Variants in TWF1 observed in about 807,000 individuals in gnomAD.
The protein encoded by TWF1 is twinfilin-1.
Under a neutral mutation model 47.9 loss-of-function variants are expected in TWF1, and 14 were observed. That is an observed-to-expected ratio of 0.29 (90% CI 0.19 to 0.46). TWF1 has a LOEUF of 0.46. Among genes scored for constraint, TWF1 ranks in the 20% least tolerant of loss-of-function variants. TWF1 has a pLI of 1.00. For synonymous variants in TWF1, 96 were observed against 139.2 expected (o/e 0.69, Z 2.18); for missense variants, 281 against 409.3 (o/e 0.69, Z 2.70).
intron 3 of TWF1, among the ~76,000 whole-genome samples, chr12:43,801,206 AGTT>A (rs1442249763): frequency 6.6e-6 from 1 of 152,250 alleles, no homozygotes; most frequent in Admixed American, 6.5e-5. Context: ...TTACGAATTA[AGTT>A]GTTAAGAATC....
chr12:43,796,194 AGAATAT>A (rs1460040876), intron 8 of TWF1, among the ~76,000 whole-genome samples: 1 of 152,172 alleles, frequency 6.6e-6, no homozygotes, highest in African/African-American at 2.4e-5. Flanking sequence ...AACAACAATA[AGAATAT>A]ATGACAGAGA....
chr12:43,797,080 G>A lies in TWF1; in HGVS notation c.778C>T (p.Pro260Ser). ...LESIVFIYSMPGYTCSIRERM... is the reference protein window; with the variant it reads ...LESIVFIYSMSGYTCSIRERM... ...TCTCTTATACTGCATGTGTATCCAG[G>A]CATTGAATAAATAAAAACTGTAAGT... Residue 260 changes from proline to serine, a missense_variant, in exon 8 of 9, where the codon CCT (proline) becomes TCT (serine). Pro to Ser is a moderately conservative substitution (Grantham distance 74). Transcript: ENST00000395510. 2 of 1,595,018 alleles carry A rather than the reference G, an allele frequency of 1.3e-6. No individual in the cohort carries two copies. Among genetic ancestry groups the A allele is most frequent in the South Asian group, 1.2e-5 (1 of 86,654 alleles).
chr12:43,805,165 T>C (rs1942734376), intron 1 of TWF1, among the ~76,000 whole-genome samples: 1 of 152,252 alleles, frequency 6.6e-6, no homozygotes, highest in Non-Finnish European at 1.5e-5. Context: ...CTATTAAAGC[T>C]TCAATTTCGT....
chr12:43,796,157 T>C (rs778454768), intron 8 of TWF1, among the ~76,000 whole-genome samples: 2 of 152,164 alleles, frequency 1.3e-5, no homozygotes, highest in African/African-American at 2.4e-5. Flanking sequence ...CAAGGTAAGA[T>C]TGTTTTACAT....
At chr12:43,805,178 T>C (rs1010811151) in intron 1 of TWF1, among the ~76,000 whole-genome samples, 2 of 152,262 alleles carry the variant, frequency 1.3e-5, no homozygotes, top group Admixed American at 1.3e-4. Flanking sequence ...AATTTCGTTC[T>C]AATTTCGTTC....
chr12:43,805,746 T>A (rs972449692), intron 1 of TWF1: 2 of 1,299,546 alleles, frequency 1.5e-6, no homozygotes, highest in African/African-American at 3.0e-5. Context: ...GCACCCCTAC[T>A]GATGTGAGAA....
chr12:43,796,689 C>T (rs543247312), intron 8 of TWF1, among the ~76,000 whole-genome samples: 5 of 152,134 alleles, frequency 3.3e-5, no homozygotes, highest in African/African-American at 1.2e-4. Flanking sequence ...CCAGTAGCCA[C>T]ATTTAGCTAA....
chr12:43,806,015 G>C (rs774237957), intron 1 of TWF1: 1 of 1,524,270 alleles, frequency 6.6e-7, no homozygotes, highest in Admixed American at 2.0e-5. Flanking sequence ...GCAACGTGAC[G>C]GCAGCAGGGA....
chr12:43,804,162 T>C (rs1284569379), intron 2 of TWF1: 7 of 388,294 alleles, frequency 1.8e-5, no homozygotes, highest in Non-Finnish European at 3.6e-5. Context: ...CTATTTTTTT[T>C]TTTTGATAAT....
intron 2 of TWF1, among the ~76,000 whole-genome samples, chr12:43,802,671 A>T (rs1942683939): frequency 6.6e-6 from 1 of 152,226 alleles, no homozygotes; most frequent in Non-Finnish European, 1.5e-5. Context: ...CATGGTTAAA[A>T]TGTTTAAAAT....
intron 1 of TWF1, 109 bp from the exon 2 acceptor site, chr12:43,804,681 G>C (rs1465226699): frequency 1.5e-6 from 1 of 650,110 alleles, no homozygotes; most frequent in Non-Finnish European, 2.6e-6. Context: ...GGAGCATGTA[G>C]CATCCTTATT....
intron 2 of TWF1, among the ~76,000 whole-genome samples, chr12:43,803,464 T>G (rs73093798): frequency 1.8e-4 from 27 of 152,236 alleles, no homozygotes; most frequent in African/African-American, 6.0e-4. Context: ...AGGGGAGATA[T>G]AGGTATTTAT....
rs1942513569 is a variant in TWF1 at position 43,794,366 on chromosome 12, AT to A, written c.*1218del. 6.6e-6 allele frequency: 1 copy of A among 152,402 alleles called. No homozygotes were observed. Among genetic ancestry groups the A allele is most frequent in the South Asian group, 2.1e-4 (1 of 4,806 alleles). The allele number at this position is 152,402 out of a possible 1,614,324, so 9.4% of individuals were successfully genotyped here. A position where few individuals can be genotyped will look rare whatever the true frequency, so the allele number is the denominator to read the frequency against. On this transcript the variant is annotated 3_prime_UTR_variant, in exon 9 of 9. Coordinates refer to ENST00000395510, the MANE Select transcript of TWF1 (RefSeq NM_002822.5). ...GAACACAAATTTCTGAAAGGTGCATATATTACCTTAGATAATAAGGTTTAGA... is the reference window on the plus strand; with the variant it reads ...GAACACAAATTTCTGAAAGGTGCATAATTACCTTAGATAATAAGGTTTAGA...
At chr12:43,800,294 A>AT in intron 4 of TWF1, 141 bp downstream of exon 4, 1 of 596,286 alleles carries the variant, frequency 1.7e-6, no homozygotes, top group South Asian at 2.4e-5. Flanking sequence ...GCTAACTTTA[A>AT]TATTATATGA....
At chr12:43,804,658 A>G in intron 1 of TWF1, 86 bp from the exon 2 acceptor site, 1 of 918,816 alleles carries the variant, frequency 1.1e-6, no homozygotes, top group Admixed American at 2.6e-5. Flanking sequence ...ATTAGAATAC[A>G]AAGAAAAAAT....
chr12:43,801,122 A>G (rs1446960807), intron 3 of TWF1, among the ~76,000 whole-genome samples: 1 of 152,242 alleles, frequency 6.6e-6, no homozygotes, highest in Non-Finnish European at 1.5e-5. Context: ...TTCAAGAATA[A>G]AAAATTAAAA....
At chr12:43,801,033 TGA>T (rs1224007221) in intron 3 of TWF1, among the ~76,000 whole-genome samples, 1 of 152,178 alleles carries the variant, frequency 6.6e-6, no homozygotes, top group Non-Finnish European at 1.5e-5. Flanking sequence ...ATTACAGGCA[TGA>T]GCCACCGTGC....
rs773094795 is a variant in TWF1 at position 43,799,422 on chromosome 12, T to C, written c.459A>G (p.Glu153=). Residue 153 remains glutamate, a synonymous_variant, in exon 5 of 9, where the codon GAA becomes GAG. Transcript: ENST00000395510. Reference sequence around the variant, plus strand: ...CCTCATTGATTTTAATCTGTCGTAGTTCTTCCTCAGCTGCAGTCAGTGGGG... The same window carrying C: ...CCTCATTGATTTTAATCTGTCGTAGCTCTTCCTCAGCTGCAGTCAGTGGGG... ...SPAPLTAAEE[E]LRQIKINEVQ... The C allele has an allele frequency of 2.8e-5, 45 of 1,609,322 alleles. No homozygotes were observed. The highest frequency in any genetic ancestry group is 3.5e-5 in the Non-Finnish European group (41 of 1,177,924).
intron 2 of TWF1, chr12:43,804,025 C>T (rs547942763): frequency 4.5e-6 from 1 of 224,146 alleles, no homozygotes; most frequent in African/African-American, 2.3e-5. Context: ...ATTCTCAGAA[C>T]TTTCCCAAAA....
Sources: allele counts gnomAD v4.1 joint callset (sites outside exome capture counted in the v4.1 genomes callset), GRCh38; gene constraint gnomAD v4.1.1; transcripts MANE v1.5; gene names NCBI Gene and HGNC (gene_info 2026-07-23, HGNC 2026-07-21).